The following MYRIP variants were observed in gnomAD, a reference collection of about 807,000 sequenced individuals.
MYRIP encodes the protein rab effector MyRIP.
In MYRIP, 49 loss-of-function variants were observed where a neutral mutation model predicts 98.0. That is an observed-to-expected ratio of 0.50 (90% CI 0.40 to 0.63). The LOEUF (loss-of-function observed/expected upper bound fraction) is 0.63, where lower values mean the gene tolerates loss of function less well. Ranked by LOEUF, MYRIP falls within the 30% of genes least tolerant of loss-of-function variation. The pLI is 0.00. For missense variants in MYRIP, 1,004 were observed against 1,058.2 expected, an observed-to-expected ratio of 0.95 and a Z score of 0.71; for synonymous variants, 404 against 409.5, an observed-to-expected ratio of 0.99 and a Z score of 0.16.
At chr3:39,841,035 G>C (rs182924328) in intron 1 of MYRIP, among the ~76,000 whole-genome samples, 116 of 152,186 alleles carry the variant, frequency 7.6e-4, no homozygotes, top group Non-Finnish European at 2.9e-5. Flanking sequence ...AGTTCTCCTG[G>C]ATAATATCCT....
intron 12 of MYRIP, among the ~76,000 whole-genome samples, chr3:40,235,987 T>G (rs1269911301): frequency 1.3e-5 from 2 of 152,236 alleles, no homozygotes; most frequent in African/African-American, 4.8e-5. Flanking sequence ...TTCTCCAGAT[T>G]CAATACCATT....
At chr3:39,891,945 T>C (rs945388061) in intron 1 of MYRIP, among the ~76,000 whole-genome samples, 1 of 152,088 alleles carries the variant, frequency 6.6e-6, no homozygotes, top group Admixed American at 6.6e-5. Flanking sequence ...TGACTTTGAC[T>C]TTGTTGACTT....
At chr3:39,899,751 AT>A in intron 1 of MYRIP, among the ~76,000 whole-genome samples, 1 of 152,316 alleles carries the variant, frequency 6.6e-6, no homozygotes, top group African/African-American at 2.4e-5. Context: ...ATTTTGGTGG[AT>A]GTAAAATATA....
At chr3:40,114,969 T>C (rs1456008603) in intron 3 of MYRIP, among the ~76,000 whole-genome samples, 1 of 152,186 alleles carries the variant, frequency 6.6e-6, no homozygotes, top group African/African-American at 2.4e-5. Context: ...TAGGAAACTC[T>C]CCCAACTGTC....
chr3:40,050,707 A>G, intron 3 of MYRIP, among the ~76,000 whole-genome samples: 1 of 152,186 alleles, frequency 6.6e-6, no homozygotes, highest in East Asian at 1.9e-4. Flanking sequence ...GTAAATTGAA[A>G]ACAAACCTTT....
intron 1 of MYRIP, among the ~76,000 whole-genome samples, chr3:39,820,362 C>T (rs147702117): frequency 1.4e-5 from 2 of 144,494 alleles, no homozygotes. Context: ...GAAAAATACC[C>T]AAGCCTCTTT....
intron 3 of MYRIP, among the ~76,000 whole-genome samples, chr3:40,139,672 T>C (rs1949853916): frequency 1.3e-5 from 2 of 152,192 alleles, no homozygotes; most frequent in South Asian, 4.1e-4. Flanking sequence ...TTCAAACTCC[T>C]GGTCTCAAGC....
chr3:40,010,356 C>T (rs1946734918), intron 2 of MYRIP, among the ~76,000 whole-genome samples: 1 of 152,158 alleles, frequency 6.6e-6, no homozygotes, highest in Non-Finnish European at 1.5e-5. Context: ...CCTCCCAGTG[C>T]CTGGAAGGGA....
chr3:40,254,295 TG>T (rs1437520045), intron 16 of MYRIP, among the ~76,000 whole-genome samples: 2 of 152,102 alleles, frequency 1.3e-5, no homozygotes, highest in Admixed American at 6.6e-5. Context: ...ACAATTTTCA[TG>T]TAAGAGGAGG....
At chr3:40,015,793 C>A (rs1323786840) in intron 2 of MYRIP, among the ~76,000 whole-genome samples, 1 of 152,224 alleles carries the variant, frequency 6.6e-6, no homozygotes, top group Non-Finnish European at 1.5e-5. Context: ...TATGATAATA[C>A]TGTTGATAAA....
intron 1 of MYRIP, among the ~76,000 whole-genome samples, chr3:39,854,090 A>G (rs1025977170): frequency 6.6e-6 from 1 of 152,088 alleles, no homozygotes; most frequent in African/African-American, 2.4e-5. Context: ...GGGGCTCTAT[A>G]TGATGTTCCA....
At chr3:39,844,336 A>T (rs1352713680) in intron 1 of MYRIP, among the ~76,000 whole-genome samples, 1 of 152,206 alleles carries the variant, frequency 6.6e-6, no homozygotes, top group African/African-American at 2.4e-5. Context: ...AGCTACCCTG[A>T]GTGGGACTGT....
chr3:40,257,416 G>GT (rs1953631904), intron 16 of MYRIP, among the ~76,000 whole-genome samples: 1 of 152,290 alleles, frequency 6.6e-6, no homozygotes, highest in Non-Finnish European at 1.5e-5. Flanking sequence ...GGAGATTGCA[G>GT]TTTTTTGAAT....
intron 2 of MYRIP, among the ~76,000 whole-genome samples, chr3:40,023,248 T>C (rs1462103466): frequency 2.0e-5 from 3 of 152,316 alleles, no homozygotes; most frequent in Admixed American, 6.5e-5. Context: ...AAATCTGGAT[T>C]TGACAATACG....
chr3:40,113,943 C>G lies in MYRIP; in HGVS notation c.333-37105C>G, dbSNP rs575087234. On this transcript the variant is annotated intron_variant, in intron 3 of 16. Coordinates refer to ENST00000302541, the MANE Select transcript of MYRIP (RefSeq NM_015460.4). ...TGACCTCATGACCCGCCCGCCTTGG[C>G]CTCCCAAAGTGCTGGGATTACAGGC... 4.6e-5 allele frequency among the ~76,000 whole-genome samples: 7 copies of G among 152,288 alleles called. No homozygotes were observed. The East Asian group carries it at 1.4e-3, about 29-fold the overall frequency.
chr3:39,818,934 T>C lies in MYRIP; in HGVS notation c.-31+9018T>C, dbSNP rs192122467. ...TTAAAGGAGAAAATACATAGGTATA[T>C]ATTTTTGTGTATATATAAATACCCT... On this transcript the variant is annotated intron_variant, in intron 1 of 16. Coordinates refer to ENST00000302541, the MANE Select transcript of MYRIP (RefSeq NM_015460.4). Among the ~76,000 whole-genome samples, 10 of 152,386 alleles carry C rather than the reference T, an allele frequency of 6.6e-5. No homozygotes were observed. In the East Asian group the frequency reaches 9.6e-4, roughly 15 times the overall value.
chr3:40,190,345 C>T lies in MYRIP; in HGVS notation c.1547C>T (p.Ala516Val), dbSNP rs754453548. Reference sequence around the variant, plus strand: ...TCGGACAGCAGCGAGCCGGAGGAGGCCCCCCACACCACAGACCGGCGGGCC... The same window carrying T: ...TCGGACAGCAGCGAGCCGGAGGAGGTCCCCCACACCACAGACCGGCGGGCC... ...ETSDSSEPEE[A>V]PHTTDRRARR... Residue 516 changes from alanine (A) to valine (V), a missense_variant, in exon 10 of 17, where the codon GCC (alanine) becomes GTC (valine). Ala to Val is a moderately conservative substitution (Grantham distance 64). Around this residue, in one of 3 missense-constraint regions of MYRIP, gnomAD observed 880 missense variants for 907.7 expected, o/e 0.97. Coordinates refer to ENST00000302541, the MANE Select transcript of MYRIP (RefSeq NM_015460.4). The T allele has an allele frequency of 7.4e-6, 12 of 1,613,800 alleles. No individual in the cohort carries two copies. In the Admixed American group the frequency reaches 1.0e-4, roughly 13 times the overall value.
chr3:39,872,502 A>G (rs1245107053), intron 1 of MYRIP, among the ~76,000 whole-genome samples: 1 of 78,140 alleles, frequency 1.3e-5, no homozygotes, highest in Non-Finnish European at 2.4e-5. Flanking sequence ...CCCATCCCAC[A>G]ACAGTCCCCA....
intron 1 of MYRIP, among the ~76,000 whole-genome samples, chr3:39,829,672 C>T (rs769673496): frequency 2.0e-4 from 30 of 152,132 alleles, no homozygotes; most frequent in Non-Finnish European, 4.0e-4. Flanking sequence ...GGCTGTTATT[C>T]TGGCCAGGGA....
Sources: allele counts gnomAD v4.1 joint callset (sites outside exome capture counted in the v4.1 genomes callset), GRCh38; gene constraint gnomAD v4.1.1; regional missense constraint gnomAD v4.1.1; transcripts MANE v1.5; gene names NCBI Gene and HGNC (gene_info 2026-07-23, HGNC 2026-07-21).